Variants in PALD1 observed in about 807,000 individuals in gnomAD.
PALD1 encodes phosphatase domain containing paladin 1, also known as paladin.
PALD1 carries 57 observed loss-of-function variants against 96.0 expected under a neutral mutation model. The observed-to-expected ratio is 0.59, with a 90% CI of 0.48 to 0.74. The LOEUF (loss-of-function observed/expected upper bound fraction) is 0.74, where lower values mean the gene tolerates loss of function less well. Ranked by LOEUF, PALD1 falls within the 30% of genes least tolerant of loss-of-function variation. The pLI is 0.00. For synonymous variants in PALD1, 464 were observed against 473.6 expected, an observed-to-expected ratio of 0.98 and a Z score of 0.26; for missense variants, 1,063 against 1,143.7, an observed-to-expected ratio of 0.93 and a Z score of 1.02.
rs576907350 is a variant in PALD1 at position 70,566,810 on chromosome 10, C to T, written c.*77C>T. On this transcript the variant is annotated 3_prime_UTR_variant, in exon 20 of 20. Coordinates refer to ENST00000263563, the MANE Select transcript of PALD1 (RefSeq NM_014431.3). ...TGTCTGAGGTGCTCTTGGCTGGGAGCGGCCCTGAGGGGTGCTGGCCTTGAA... is the reference window on the plus strand; with the variant it reads ...TGTCTGAGGTGCTCTTGGCTGGGAGTGGCCCTGAGGGGTGCTGGCCTTGAA... The T allele has an allele frequency of 4.2e-4, 423 of 998,182 alleles. No homozygotes were observed. Among genetic ancestry groups the T allele is most frequent in the Non-Finnish European group, 3.8e-4 (260 of 684,014 alleles). 61.8% of individuals were successfully genotyped at this position (998,182 alleles called of 1,614,324 possible). A position where few individuals can be genotyped will look rare whatever the true frequency, so the allele number is the denominator to read the frequency against.
chr10:70,464,429 G>C, the PALD1 span, among the ~76,000 whole-genome samples: 6 of 151,758 alleles, frequency 4.0e-5, no homozygotes, highest in East Asian at 1.2e-3. Context: ...GGCCAGGCTG[G>C]TCTCGAACTC....
intron 1 of PALD1, among the ~76,000 whole-genome samples, chr10:70,484,566 G>C (rs1025904669): frequency 2.7e-5 from 4 of 150,874 alleles, no homozygotes; most frequent in African/African-American, 9.8e-5. Flanking sequence ...TTGAGACAGA[G>C]TCTCGGTCTG....
chr10:70,474,545 ACT>A (rs1340929329), upstream of PALD1, among the ~76,000 whole-genome samples: 2 of 152,038 alleles, frequency 1.3e-5, no homozygotes, highest in Non-Finnish European at 1.5e-5. Context: ...CCAGCCTGAG[ACT>A]CTGTCCAAGG....
At chr10:70,525,231 C>T (rs1033934314) in intron 1 of PALD1, among the ~76,000 whole-genome samples, 1 of 151,062 alleles carries the variant, frequency 6.6e-6, no homozygotes, top group Non-Finnish European at 1.5e-5. Context: ...AGGATGGTCT[C>T]GAACTCCTGG....
chr10:70,487,158 G>A (rs1846027700), intron 1 of PALD1, among the ~76,000 whole-genome samples: 1 of 109,590 alleles, frequency 9.1e-6, no homozygotes, highest in Non-Finnish European at 1.8e-5. Context: ...TTTTGAGACA[G>A]AGTCTCGCTC....
chr10:70,494,785 C>T (rs1846162407), intron 1 of PALD1, among the ~76,000 whole-genome samples: 1 of 152,166 alleles, frequency 6.6e-6, no homozygotes, highest in East Asian at 1.9e-4. Context: ...GTCATGTCCT[C>T]CATTCTGCAG....
At chr10:70,497,822 G>A (rs530881484) in intron 1 of PALD1, among the ~76,000 whole-genome samples, 7 of 152,248 alleles carry the variant, frequency 4.6e-5, no homozygotes, top group South Asian at 4.1e-4. Flanking sequence ...TGATCTGCCC[G>A]CCTTGGCCTC....
chr10:70,545,776 T>A, intron 17 of PALD1, among the ~76,000 whole-genome samples: 1 of 151,758 alleles, frequency 6.6e-6, no homozygotes, highest in African/African-American at 2.4e-5. Context: ...TGTCCAACTC[T>A]GAGCGTCTGC....
In PALD1 at chr10:70,568,009, A is replaced by AT. The variant is rs1414343351; in HGVS notation, c.*1276_*1277insT. The AT allele has an allele frequency of 6.6e-6, 1 of 150,668 alleles. No individual in the cohort carries two copies. The highest frequency in any genetic ancestry group is 2.0e-4 in the East Asian group (1 of 5,122). 9.3% of individuals were successfully genotyped at this position (150,668 alleles called of 1,614,324 possible). ...TGTACTTCTGCAGGAAAAAAAAAAA[A>AT]GGATGTGTCATTGGTCATGATATTT... is the stretch of plus-strand genomic sequence containing the variant. On this transcript the variant is annotated 3_prime_UTR_variant, in exon 20 of 20. Coordinates refer to ENST00000263563, the MANE Select transcript of PALD1 (RefSeq NM_014431.3).
intron 1 of PALD1, among the ~76,000 whole-genome samples, chr10:70,496,242 A>G (rs774765138): frequency 3.3e-5 from 5 of 152,090 alleles, no homozygotes; most frequent in Non-Finnish European, 5.9e-5. Context: ...AGGGCAGAGT[A>G]TGAGTTATTA....
At chr10:70,529,752 G>A in intron 3 of PALD1, 137 bp from the exon 4 acceptor site, 2 of 658,314 alleles carry the variant, frequency 3.0e-6, no homozygotes, top group Non-Finnish European at 5.2e-6. Flanking sequence ...TGAACTGCAG[G>A]CAACTTGAGG....
At chr10:70,494,207 G>A (rs1009591757) in intron 1 of PALD1, among the ~76,000 whole-genome samples, 1 of 152,136 alleles carries the variant, frequency 6.6e-6, no homozygotes, top group African/African-American at 2.4e-5. Flanking sequence ...CTCATGTGAG[G>A]CCTCCCCTGT....
the PALD1 span, among the ~76,000 whole-genome samples, chr10:70,463,799 C>T: frequency 2.2e-3 from 336 of 152,014 alleles, 19 homozygotes; most frequent in South Asian, 0.065. Context: ...TCCAAGGAGG[C>T]GACATTTAAG....
chr10:70,488,608 A>G (rs767551874), intron 1 of PALD1, among the ~76,000 whole-genome samples: 2 of 151,976 alleles, frequency 1.3e-5, no homozygotes, highest in Non-Finnish European at 2.9e-5. Context: ...TGGGGTGTAA[A>G]TGAGCTCAAA....
At chr10:70,507,843 C>A (rs1444401934) in intron 1 of PALD1, among the ~76,000 whole-genome samples, 1 of 151,838 alleles carries the variant, frequency 6.6e-6, no homozygotes, top group Non-Finnish European at 1.5e-5. Context: ...CCCAGGCTAG[C>A]TTTTTATTGT....
At chr10:70,469,752 C>G in the PALD1 span, among the ~76,000 whole-genome samples, 1 of 151,968 alleles carries the variant, frequency 6.6e-6, no homozygotes, top group Non-Finnish European at 1.5e-5. Flanking sequence ...CAGGGCTGCT[C>G]CAGGTCTGGC....
chr10:70,537,619 G>A (rs144383448), intron 10 of PALD1, among the ~76,000 whole-genome samples, 192 bp from the exon 11 acceptor site: 2 of 152,224 alleles, frequency 1.3e-5, no homozygotes, highest in African/African-American at 2.4e-5. Context: ...TCCCCTGACC[G>A]CAGATAACCA....
In PALD1 at chr10:70,533,910, G is replaced by A. The variant is rs1228025436; in HGVS notation, c.871-12G>A. The stretch of plus-strand genomic sequence containing the variant: ...GGTCTCACTGGGGCCTGATCCTCAT[G>A]GTCTTTCCCAGGAGACCCCCAGCCT... On this transcript the variant is annotated splice_polypyrimidine_tract_variant and intron_variant, in intron 7 of 19. Coordinates refer to ENST00000263563, the MANE Select transcript of PALD1 (RefSeq NM_014431.3). 1.9e-6 allele frequency: 3 copies of A among 1,573,062 alleles called. No individual in the cohort carries two copies. The highest frequency in any genetic ancestry group is 2.6e-6 in the Non-Finnish European group (3 of 1,157,712).
intron 18 of PALD1, among the ~76,000 whole-genome samples, chr10:70,561,461 T>A (rs922393033): frequency 6.6e-6 from 1 of 152,188 alleles, no homozygotes; most frequent in Admixed American, 6.5e-5. Flanking sequence ...AGCGGCCAGT[T>A]GCATTGTGGC....
Sources: allele counts gnomAD v4.1 joint callset (sites outside exome capture counted in the v4.1 genomes callset), GRCh38; gene constraint gnomAD v4.1.1; transcripts MANE v1.5; gene names NCBI Gene and HGNC (gene_info 2026-07-23, HGNC 2026-07-21).